Variants in MAML3 observed in about 807,000 individuals in gnomAD.
MAML3 encodes the protein mastermind like transcriptional coactivator 3.
In MAML3, 27 loss-of-function variants were observed where a neutral mutation model predicts 101.9. That is an observed-to-expected ratio of 0.27 (90% confidence interval 0.20 to 0.37). MAML3 has a LOEUF of 0.37. MAML3 is among the 10% of genes least tolerant of loss of function. The pLI is 1.00. For missense variants in MAML3, 1,316 were observed against 1,444.9 expected (o/e 0.91, Z 1.45); for synonymous variants, 501 against 555.9 (o/e 0.90, Z 1.39).
intron 2 of MAML3, among the ~76,000 whole-genome samples, chr4:139,810,502 T>G (rs1381925126): frequency 1.3e-5 from 2 of 152,140 alleles, no homozygotes; most frequent in African/African-American, 4.8e-5. Context: ...AAATTAATTT[T>G]TATCAATATA....
At chr4:139,775,885 T>C (rs1326907563) in intron 2 of MAML3, among the ~76,000 whole-genome samples, 1 of 152,168 alleles carries the variant, frequency 6.6e-6, no homozygotes, top group Admixed American at 6.5e-5. Flanking sequence ...TTCCGACTGC[T>C]TAGGAAATAT....
At chr4:139,810,442 G>A (rs930728175) in intron 2 of MAML3, among the ~76,000 whole-genome samples, 2 of 151,804 alleles carry the variant, frequency 1.3e-5, no homozygotes, top group Admixed American at 6.6e-5. Flanking sequence ...CTCTCATCTC[G>A]GCCTCCCAAA....
intron 2 of MAML3, among the ~76,000 whole-genome samples, chr4:139,850,666 G>A (rs566855218): frequency 2.9e-4 from 43 of 147,348 alleles, no homozygotes; most frequent in African/African-American, 1.0e-3. Flanking sequence ...TCAGCCTCCC[G>A]AGTAGCTGGG....
intron 1 of MAML3, among the ~76,000 whole-genome samples, chr4:139,956,703 A>AT (rs1733923562): frequency 6.6e-6 from 1 of 152,186 alleles, no homozygotes; most frequent in Non-Finnish European, 1.5e-5. Context: ...GAGAGGTCGT[A>AT]CCAATCTATT....
At chr4:139,872,392 G>A (rs563049630) in intron 2 of MAML3, among the ~76,000 whole-genome samples, 1 of 152,136 alleles carries the variant, frequency 6.6e-6, no homozygotes, top group South Asian at 2.1e-4. Flanking sequence ...AAAGCCTGAC[G>A]GACTTAAAGG....
intron 1 of MAML3, among the ~76,000 whole-genome samples, chr4:140,118,571 G>A (rs1161011793): frequency 6.6e-6 from 1 of 152,182 alleles, no homozygotes; most frequent in Non-Finnish European, 1.5e-5. Context: ...GGGGCCTGGT[G>A]TGGTGGCTCA....
At chr4:139,983,789 G>A (rs1249250419) in intron 1 of MAML3, among the ~76,000 whole-genome samples, 1 of 152,186 alleles carries the variant, frequency 6.6e-6, no homozygotes, top group Non-Finnish European at 1.5e-5. Context: ...CACTAGGGAA[G>A]ACAGAGAAGT....
At chr4:139,792,967 T>C (rs974952206) in intron 2 of MAML3, among the ~76,000 whole-genome samples, 1 of 152,096 alleles carries the variant, frequency 6.6e-6, no homozygotes, top group East Asian at 1.9e-4. Context: ...AGGATGGTCT[T>C]GATCTCCTGA....
chr4:139,869,191 G>A (rs1005012240), intron 2 of MAML3, among the ~76,000 whole-genome samples: 24 of 152,148 alleles, frequency 1.6e-4, no homozygotes, highest in Admixed American at 6.5e-5. Context: ...TTAGTATATG[G>A]AAGTCAAACT....
At chr4:140,036,066 T>C (rs1726982571) in intron 1 of MAML3, among the ~76,000 whole-genome samples, 1 of 152,238 alleles carries the variant, frequency 6.6e-6, no homozygotes, top group South Asian at 2.1e-4. Flanking sequence ...ATTCCTTTTC[T>C]AAATGACTGG....
rs1422202645 is a variant in MAML3 at position 139,889,700 on chromosome 4, T to C, written c.1736A>G (p.Asn579Ser). ...YLPQNHMNMINQQPNNLGTNS... is the reference protein window; with the variant it reads ...YLPQNHMNMISQQPNNLGTNS... Reference sequence around the variant, plus strand: ...TGTACCCAAGTTATTTGGCTGCTGATTGATCATATTCATGTGATTCTGAGG... The same window carrying C: ...TGTACCCAAGTTATTTGGCTGCTGACTGATCATATTCATGTGATTCTGAGG... The change falls in exon 2 of 5, where the codon AAT becomes AGT. Residue 579 changes from asparagine (N) to serine (S), a missense_variant. Physicochemically the swap from Asn to Ser is conservative, Grantham distance 46. Coordinates refer to ENST00000509479, the MANE Select transcript of MAML3 (RefSeq NM_018717.5). 1.2e-6 allele frequency: 2 copies of C among 1,613,946 alleles called. No individual in the cohort carries two copies. The highest frequency in any genetic ancestry group is 1.3e-5 in the African/African-American group (1 of 74,940).
chr4:140,039,611 G>A (rs1578654852), intron 1 of MAML3, among the ~76,000 whole-genome samples: 2 of 152,168 alleles, frequency 1.3e-5, no homozygotes, highest in East Asian at 3.8e-4. Context: ...CGACTGTGCA[G>A]GTGACATGGC....
Position 139,784,133 on chromosome 4 carries a change from G to A in MAML3, c.2080-53466C>T, listed in dbSNP as rs1025240137. ...AAGGACCCTTGGTTCTGAAATGCAA[G>A]GAAAATGGCTAGCAAAACAAGCGAG... On this transcript the variant is annotated intron_variant, in intron 2 of 4. Coordinates refer to ENST00000509479, the MANE Select transcript of MAML3 (RefSeq NM_018717.5). Among the ~76,000 whole-genome samples, 4 of 152,314 alleles carry A rather than the reference G, an allele frequency of 2.6e-5. No homozygotes were observed. The South Asian group carries it at 8.3e-4, about 32-fold the overall frequency.
At position 139,720,193 on chromosome 4, in the gene MAML3, G is replaced by A. The variant is rs760881373; in HGVS notation, c.2547C>T (p.Thr849=). Reference sequence around the variant, plus strand: ...GTCCCATCTCCGACTGCGCAGCTGCGGTGGCCATCGTCCCAGGGTTCTGGG... The same window carrying A: ...GTCCCATCTCCGACTGCGCAGCTGCAGTGGCCATCGTCCCAGGGTTCTGGG... ...GPSQNPGTMA[T]AAAQSEMGLA... is the part of the protein sequence containing the mutation. The change falls in exon 5 of 5, where the codon ACC becomes ACT. Residue 849 remains threonine, a synonymous_variant. Transcript: ENST00000509479. The A allele has an allele frequency of 3.2e-5, 52 of 1,613,892 alleles. No individual in the cohort carries two copies. Among genetic ancestry groups the A allele is most frequent in the South Asian group, 2.1e-4 (19 of 91,080 alleles).
intron 2 of MAML3, among the ~76,000 whole-genome samples, chr4:139,824,663 A>T (rs1255751765): frequency 2.0e-5 from 3 of 152,232 alleles, no homozygotes; most frequent in Non-Finnish European, 4.4e-5. Context: ...TAATTTCAGT[A>T]GTTTGTAAGT....
chr4:139,882,836 G>A (rs1033265476), intron 2 of MAML3, among the ~76,000 whole-genome samples: 5 of 152,252 alleles, frequency 3.3e-5, no homozygotes, highest in South Asian at 2.1e-4. Context: ...GCGATGGAGC[G>A]AGACTCTGTC....
At chr4:139,822,500 T>C (rs941910825) in intron 2 of MAML3, among the ~76,000 whole-genome samples, 24 of 152,098 alleles carry the variant, frequency 1.6e-4, no homozygotes, top group African/African-American at 5.8e-4. Context: ...GTCTTAAGAG[T>C]CCCCTTATTG....
intron 2 of MAML3, among the ~76,000 whole-genome samples, chr4:139,749,410 T>C (rs1729426668): frequency 6.6e-6 from 1 of 152,228 alleles, no homozygotes; most frequent in South Asian, 2.1e-4. Context: ...TAATCTGCTT[T>C]CTTGCAGATC....
At chr4:139,860,247 C>A (rs1278639402) in intron 2 of MAML3, among the ~76,000 whole-genome samples, 1 of 152,204 alleles carries the variant, frequency 6.6e-6, no homozygotes, top group Admixed American at 6.5e-5. Context: ...AAAGAGGAGG[C>A]CTGCTTGGCT....
Sources: allele counts gnomAD v4.1 joint callset (sites outside exome capture counted in the v4.1 genomes callset), GRCh38; gene constraint gnomAD v4.1.1; transcripts MANE v1.5; gene names NCBI Gene and HGNC (gene_info 2026-07-23, HGNC 2026-07-21).